NEO1: variants seen among roughly 807,000 people sequenced by gnomAD.
The protein encoded by NEO1 is neogenin.
NEO1 carries 63 observed loss-of-function variants against 159.7 expected under a neutral mutation model. The observed-to-expected ratio is 0.39, with a 90% CI of 0.32 to 0.49. The LOEUF (loss-of-function observed/expected upper bound fraction) is 0.49. Among genes scored for constraint, NEO1 ranks in the 20% least tolerant of loss-of-function variants. The pLI is 0.85. For missense variants in NEO1, 1,615 were observed against 1,831.0 expected (o/e 0.88, Z 2.15); for synonymous variants, 633 against 662.0 (o/e 0.96, Z 0.67).
chr15:73,273,747 ATTTACTG>A, intron 19 of NEO1, 57 bp from the exon 20 acceptor site: 2 of 1,257,916 alleles, frequency 1.6e-6, no homozygotes, highest in Non-Finnish European at 2.3e-6. Context: ...GTACTTATTG[ATTTACTG>A]AAGGCAAAAG....
intron 1 of NEO1, among the ~76,000 whole-genome samples, chr15:73,095,926 C>G (rs1420968968): frequency 2.6e-5 from 4 of 152,058 alleles, no homozygotes; most frequent in Non-Finnish European, 5.9e-5. Flanking sequence ...TTGAGAAAAG[C>G]CCCTATCAGA....
chr15:73,272,390 G>A (rs1284691652), intron 18 of NEO1, 65 bp from the exon 19 acceptor site: 10 of 1,247,706 alleles, frequency 8.0e-6, no homozygotes, highest in Admixed American at 3.9e-5. Flanking sequence ...AAGTGGAAAA[G>A]GTTGAAGAAA....
chr15:73,257,388 T>C (rs912627518), intron 13 of NEO1, among the ~76,000 whole-genome samples: 6 of 152,088 alleles, frequency 3.9e-5, no homozygotes, highest in Non-Finnish European at 7.4e-5. Context: ...TTAAGAAAAT[T>C]CTTACATTTT....
At chr15:73,198,528 G>T (rs1052976185) in intron 7 of NEO1, among the ~76,000 whole-genome samples, 62 of 143,998 alleles carry the variant, frequency 4.3e-4, no homozygotes, top group African/African-American at 9.1e-4. Flanking sequence ...AAAGCTTTTG[G>T]TTTTTTTTTT....
intron 7 of NEO1, among the ~76,000 whole-genome samples, chr15:73,230,148 A>G (rs1473826210): frequency 1.3e-5 from 2 of 152,194 alleles, no homozygotes; most frequent in Admixed American, 1.3e-4. Context: ...ATATTTGATA[A>G]CATCCAGCAG....
chr15:73,195,634 T>C (rs959281443), intron 7 of NEO1, among the ~76,000 whole-genome samples: 4 of 152,174 alleles, frequency 2.6e-5, no homozygotes, highest in African/African-American at 4.8e-5. Context: ...CATAAAAACC[T>C]TTATTTACCA....
intron 5 of NEO1, among the ~76,000 whole-genome samples, chr15:73,165,504 A>G (rs191242108): frequency 6.6e-6 from 1 of 152,186 alleles, no homozygotes; most frequent in Non-Finnish European, 1.5e-5. Context: ...TCCAGTAGTC[A>G]ATTTTCTTAA....
chr15:73,057,575 C>G (rs1378406567), intron 1 of NEO1, among the ~76,000 whole-genome samples: 1 of 152,086 alleles, frequency 6.6e-6, no homozygotes, highest in Non-Finnish European at 1.5e-5. Flanking sequence ...GAAAAATTAA[C>G]TTTGTCATGG....
intron 1 of NEO1, among the ~76,000 whole-genome samples, chr15:73,053,156 C>T (rs1452320906): frequency 6.6e-6 from 1 of 152,118 alleles, no homozygotes; most frequent in African/African-American, 2.4e-5. Context: ...GTAGAGGCCA[C>T]TACACACCTC....
At chr15:73,066,674 T>C (rs34649871) in intron 1 of NEO1, among the ~76,000 whole-genome samples, 13,236 of 152,242 alleles carry the variant, frequency 0.087, 670 homozygotes, top group South Asian at 0.11. Flanking sequence ...TGAAATAGTT[T>C]AGGTATACCT....
intron 25 of NEO1, among the ~76,000 whole-genome samples, chr15:73,291,441 G>A (rs1356137900): frequency 2.0e-5 from 3 of 152,156 alleles, no homozygotes; most frequent in Non-Finnish European, 2.9e-5. Context: ...ACAGTTGGGT[G>A]GGTAAGTGGA....
intron 7 of NEO1, among the ~76,000 whole-genome samples, chr15:73,205,844 A>G (rs1466968011): frequency 6.6e-6 from 1 of 152,142 alleles, no homozygotes; most frequent in Admixed American, 6.6e-5. Flanking sequence ...CAAGCTATTT[A>G]CATGCCACCA....
chr15:73,173,865 C>T (rs1023331085), intron 5 of NEO1, among the ~76,000 whole-genome samples: 1 of 151,794 alleles, frequency 6.6e-6, no homozygotes, highest in Non-Finnish European at 1.5e-5. Context: ...TTTGGGAGGC[C>T]GAGGCAGGTG....
chr15:73,052,791 C>T lies in NEO1; in HGVS notation c.116C>T (p.Ala39Val), dbSNP rs1199976429. The T allele has an allele frequency of 3.6e-6, 4 of 1,105,352 alleles. No individual in the cohort carries two copies. The highest frequency in any genetic ancestry group is 4.8e-5 in the East Asian group (1 of 20,864). 68.5% of individuals were successfully genotyped at this position (1,105,352 alleles called of 1,614,324 possible). A position where few individuals can be genotyped will look rare whatever the true frequency, so the allele number is the denominator to read the frequency against. The change falls in exon 1 of 29, where the codon GCG (alanine) becomes GTG (valine). Residue 39 changes from alanine to valine, a missense_variant. By Grantham distance (64) the Ala-to-Val change is moderately conservative (BLOSUM62 0). Transcript: ENST00000261908. ...PGAAAARSGSAPQSPGASIRT... is the reference protein window; with the variant it reads ...PGAAAARSGSVPQSPGASIRT... ...GCCGCGGCCGCCAGGAGCGGCTCCGCGCCGCAGTCCCCAGGTAAGCGGCGG... is the reference window on the plus strand; with the variant it reads ...GCCGCGGCCGCCAGGAGCGGCTCCGTGCCGCAGTCCCCAGGTAAGCGGCGG...
chr15:73,112,376 A>G lies in NEO1; in HGVS notation c.131-4164A>G, dbSNP rs1279239975. Among the ~76,000 whole-genome samples the G allele has an allele frequency of 2.6e-5, 4 of 152,044 alleles. No individual in the cohort carries two copies. In the East Asian group the frequency reaches 5.8e-4, roughly 22 times the overall value. Reference sequence around the variant, plus strand: ...TTCTTTACCTGTTATATGTGACACAATTTTCCCCCCAATCCATTGTCTTTT... The same window carrying G: ...TTCTTTACCTGTTATATGTGACACAGTTTTCCCCCCAATCCATTGTCTTTT... On this transcript the variant is annotated intron_variant, in intron 1 of 28. Transcript: ENST00000261908.
chr15:73,289,894 G>A (rs936298936), intron 25 of NEO1, among the ~76,000 whole-genome samples: 1 of 152,118 alleles, frequency 6.6e-6, no homozygotes, highest in African/African-American at 2.4e-5. Flanking sequence ...AGGTTGCAGT[G>A]AGCCAAAATC....
intron 7 of NEO1, among the ~76,000 whole-genome samples, chr15:73,201,096 A>T (rs756711950): frequency 2.0e-5 from 3 of 151,964 alleles, no homozygotes; most frequent in Non-Finnish European, 4.4e-5. Context: ...CTACAGGTTT[A>T]ACAGTCTGTT....
In NEO1 at chr15:73,235,790, C is replaced by T. The variant is rs78680697; in HGVS notation, c.1292-557C>T. 3.1e-3 allele frequency among the ~76,000 whole-genome samples: 471 copies of T among 152,318 alleles called. 1 individual carries two copies. The highest frequency in any genetic ancestry group is 0.011 in the African/African-American group (440 of 41,568). ...AGTTGAAGATGTGGCCCTCAATTCT[C>T]CTGCAAAGGAGCTCTGCAGTGAAGT... On this transcript the variant is annotated intron_variant, in intron 7 of 28. Coordinates refer to ENST00000261908, the MANE Select transcript of NEO1 (RefSeq NM_002499.4).
At chr15:73,212,415 A>G (rs1394932517) in intron 7 of NEO1, among the ~76,000 whole-genome samples, 2 of 152,158 alleles carry the variant, frequency 1.3e-5, no homozygotes, top group African/African-American at 2.4e-5. Context: ...TTCATATATT[A>G]TAGATTAGGA....
Sources: gnomAD v4.1 joint callset for allele counts (sites outside exome capture counted in the v4.1 genomes callset) on GRCh38, gnomAD v4.1.1 for gene constraint, MANE v1.5 for transcripts, NCBI Gene and HGNC (gene_info 2026-07-23, HGNC 2026-07-21) for gene names.